Variants in ZBTB1 observed in about 807,000 individuals in gnomAD.
ZBTB1 encodes the protein zinc finger and BTB domain containing 1.
A neutral mutation model predicts 51.6 loss-of-function variants in ZBTB1; 13 were observed. The ratio of observed to expected loss-of-function variants is 0.25; its 90% CI spans 0.16 to 0.40. The LOEUF (loss-of-function observed/expected upper bound fraction) is 0.40. ZBTB1 is among the 10% of genes least tolerant of loss of function. The pLI is 1.00. For missense variants in ZBTB1, 567 were observed against 856.5 expected (o/e 0.66, Z 4.22); for synonymous variants, 240 against 282.2 (o/e 0.85, Z 1.50).
intron 1 of ZBTB1, among the ~76,000 whole-genome samples, chr14:64,517,138 C>T (rs192992618): frequency 6.6e-6 from 1 of 152,302 alleles, no homozygotes; most frequent in East Asian, 1.9e-4. Flanking sequence ...GCATCACCAC[C>T]ATTACAACAT....
chr14:64,506,066 G>A (rs945574542), intron 1 of ZBTB1, among the ~76,000 whole-genome samples: 3 of 152,248 alleles, frequency 2.0e-5, no homozygotes, highest in Non-Finnish European at 4.4e-5. Flanking sequence ...TAGATATGAT[G>A]TGGAGAAACG....
Position 64,522,123 on chromosome 14 carries a change from C to T in ZBTB1, c.619C>T (p.Arg207Cys), listed in dbSNP as rs1195137273. 2 of 1,614,034 alleles carry T rather than the reference C, an allele frequency of 1.2e-6. No homozygotes were observed. Among genetic ancestry groups the T allele is most frequent in the Admixed American group, 3.3e-5 (2 of 60,000 alleles). The change falls in exon 2 of 2, where the codon CGT (arginine) becomes TGT (cysteine). Residue 207 changes from arginine to cysteine, a missense_variant. Coordinates refer to ENST00000683701, the MANE Select transcript of ZBTB1 (RefSeq NM_001123329.2). ...GTCCAAATTATCTACTCCAAAAGAA[C>T]GTGTGTCAAGACGCTTTGGGCGGAG... ...SVSKLSTPKE[R>C]VSRRFGRSFT... is the part of the protein sequence containing the mutation.
intron 1 of ZBTB1, among the ~76,000 whole-genome samples, chr14:64,510,766 G>A (rs1264798575): frequency 6.6e-6 from 1 of 152,158 alleles, no homozygotes; most frequent in Non-Finnish European, 1.5e-5. Context: ...ATATGTGAGG[G>A]GAACCATGGT....
chr14:64,517,779 ATATTT>A (rs1435010828), intron 1 of ZBTB1, among the ~76,000 whole-genome samples: 52 of 39,782 alleles, frequency 1.3e-3, no homozygotes, highest in East Asian at 3.9e-3. Context: ...ATATATATAT[ATATTT>A]TTTTTTTTTT....
In ZBTB1 at chr14:64,523,268, T is replaced by C. The variant is rs2079877895; in HGVS notation, c.1764T>C (p.Tyr588=). The change falls in exon 2 of 2, where the codon TAT becomes TAC. Residue 588 remains tyrosine, a synonymous_variant. Transcript: ENST00000683701. This position sits in a 1 kb window ranked among gnomAD's most constrained non-coding sequence, Gnocchi z 4.5. ...HFCNLCGKGF[Y]QRCHLREHYT... ...GTAATCTGTGTGGAAAAGGATTTTATCAGCGGTGTCACTTAAGAGAACACT... is the reference window on the plus strand; with the variant it reads ...GTAATCTGTGTGGAAAAGGATTTTACCAGCGGTGTCACTTAAGAGAACACT... 1 of 1,614,042 alleles carries C rather than the reference T, an allele frequency of 6.2e-7. No homozygotes were observed. Among genetic ancestry groups the C allele is most frequent in the Non-Finnish European group, 8.5e-7 (1 of 1,180,012 alleles).
Position 64,512,457 on chromosome 14 carries a change from A to G in ZBTB1, c.-19+7511A>G, listed in dbSNP as rs1464944847. Among the ~76,000 whole-genome samples the G allele has an allele frequency of 2.6e-5, 4 of 152,224 alleles. No homozygotes were observed. The East Asian group carries it at 7.7e-4, about 29-fold the overall frequency. Reference sequence around the variant, plus strand: ...CACACTGCTCCTTGGATCTCTTGTCAGTGCTAATGATACAAGTAATACTAC... The same window carrying G: ...CACACTGCTCCTTGGATCTCTTGTCGGTGCTAATGATACAAGTAATACTAC... On this transcript the variant is annotated intron_variant, in intron 1 of 1. Coordinates refer to ENST00000683701, the MANE Select transcript of ZBTB1 (RefSeq NM_001123329.2).
chr14:64,527,382 G>A (rs183571662), downstream of ZBTB1, among the ~76,000 whole-genome samples: 4 of 152,020 alleles, frequency 2.6e-5, no homozygotes, highest in Admixed American at 2.6e-4. Flanking sequence ...AGGCTGAGGT[G>A]GGTGGATTGC....
chr14:64,533,244 G>A (rs1417286353), exon 3 of ZBTB1: 4 of 152,066 alleles, frequency 2.6e-5, no homozygotes, highest in African/African-American at 9.7e-5. Context: ...TCAAATACAT[G>A]TGAATTCTAC....
downstream of ZBTB1, among the ~76,000 whole-genome samples, chr14:64,527,826 T>C (rs1375262168): frequency 6.6e-6 from 1 of 152,104 alleles, no homozygotes; most frequent in Non-Finnish European, 1.5e-5. Flanking sequence ...CTGAAAAATA[T>C]ATGAACAGGA....
chr14:64,507,671 T>C (rs2079680161), intron 1 of ZBTB1, among the ~76,000 whole-genome samples: 1 of 152,182 alleles, frequency 6.6e-6, no homozygotes, highest in Non-Finnish European at 1.5e-5. Context: ...TGATTTAAAA[T>C]TATTTGATTA....
chr14:64,522,184 G>A lies in ZBTB1; in HGVS notation c.680G>A (p.Cys227Tyr). The change falls in exon 2 of 2, where the codon TGT (cysteine) becomes TAT (tyrosine). Residue 227 changes from cysteine to tyrosine, a missense_variant. Physicochemically the swap from Cys to Tyr is radical, Grantham distance 194. Coordinates refer to ENST00000683701, the MANE Select transcript of ZBTB1 (RefSeq NM_001123329.2). ...TCDSCGFGFS[C>Y]EKLLDEHVLT... is the part of the protein sequence containing the mutation. ...GATAGCTGTGGATTTGGCTTTAGCT[G>A]TGAAAAATTATTAGATGAGCATGTG... is the stretch of plus-strand genomic sequence containing the variant. The A allele has an allele frequency of 1.9e-6, 3 of 1,614,224 alleles. No individual in the cohort carries two copies. The highest frequency in any genetic ancestry group is 2.5e-6 in the Non-Finnish European group (3 of 1,180,034).
At chr14:64,509,257 C>T (rs1174362987) in intron 1 of ZBTB1, among the ~76,000 whole-genome samples, 1 of 152,144 alleles carries the variant, frequency 6.6e-6, no homozygotes, top group Non-Finnish European at 1.5e-5. Flanking sequence ...GTAGTCCCAG[C>T]TATTCGAGAG....
intron 1 of ZBTB1, among the ~76,000 whole-genome samples, chr14:64,519,479 A>C (rs2079836182): frequency 6.6e-6 from 1 of 150,756 alleles, no homozygotes. Context: ...AAAAAATAGA[A>C]GAGGCCAGGT....
At chr14:64,533,456 A>C (rs1234241854) in exon 3 of ZBTB1, 5 of 152,562 alleles carry the variant, frequency 3.3e-5, no homozygotes, top group Non-Finnish European at 5.9e-5. Context: ...ATAATTTTTG[A>C]TTGACTGGTG....
intron 2 of ZBTB1, among the ~76,000 whole-genome samples, chr14:64,530,863 A>G (rs2079937406): frequency 6.8e-6 from 1 of 147,644 alleles, no homozygotes; most frequent in Admixed American, 6.7e-5. Flanking sequence ...AAAAGATAGT[A>G]TGAAGATTAC....
At position 64,522,852 on chromosome 14, in the gene ZBTB1, T is replaced by G; in HGVS notation, c.1348T>G (p.Cys450Gly). ...LAKHIENICACGKCGQILVKG... is the reference protein window; with the variant it reads ...LAKHIENICAGGKCGQILVKG... ...CAAACACATTGAAAATATCTGTGCA[T>G]GTGGTAAATGTGGACAAATACTTGT... Residue 450 changes from cysteine to glycine, a missense_variant, in exon 2 of 2, where the codon TGT (cysteine) becomes GGT (glycine). Physicochemically the swap from Cys to Gly is radical, Grantham distance 159 (BLOSUM62 -3). Around this residue, in one of 5 missense-constraint regions of ZBTB1, gnomAD observed 329 missense variants for 406.3 expected, o/e 0.81. Coordinates refer to ENST00000683701, the MANE Select transcript of ZBTB1 (RefSeq NM_001123329.2). The G allele has an allele frequency of 6.2e-7, 1 of 1,614,164 alleles. No homozygotes were observed. Among genetic ancestry groups the G allele is most frequent in the Non-Finnish European group, 8.5e-7 (1 of 1,180,014 alleles).
intron 1 of ZBTB1, among the ~76,000 whole-genome samples, chr14:64,518,722 A>G (rs2079823555): frequency 6.6e-6 from 1 of 151,954 alleles, no homozygotes; most frequent in African/African-American, 2.4e-5. Flanking sequence ...CTTTATGTAT[A>G]CGGATTAAAA....
At chr14:64,505,607 G>A (rs1483766473) in intron 1 of ZBTB1, among the ~76,000 whole-genome samples, 1 of 152,162 alleles carries the variant, frequency 6.6e-6, no homozygotes, top group Non-Finnish European at 1.5e-5. Context: ...ATCGGGAGTC[G>A]TTACTACTAA....
intron 1 of ZBTB1, among the ~76,000 whole-genome samples, chr14:64,519,975 A>G (rs925875870): frequency 1.5e-5 from 2 of 136,210 alleles, no homozygotes; most frequent in Non-Finnish European, 3.1e-5. Context: ...CCATTTCTAT[A>G]TAATCTAATA....
Sources: allele counts gnomAD v4.1 joint callset (sites outside exome capture counted in the v4.1 genomes callset), GRCh38; gene constraint gnomAD v4.1.1; regional missense constraint gnomAD v4.1.1; non-coding constraint Gnocchi (gnomAD v3.1); transcripts MANE v1.5; gene names NCBI Gene and HGNC (gene_info 2026-07-23, HGNC 2026-07-21).